SLC35F5: variants seen among roughly 807,000 people sequenced by gnomAD.
The protein encoded by SLC35F5 is solute carrier family 35 member F5.
Under a neutral mutation model 68.6 loss-of-function variants are expected in SLC35F5, and 54 were observed. The ratio of observed to expected loss-of-function variants is 0.79; its 90% confidence interval spans 0.63 to 0.99. The LOEUF is 0.99. Ranked by LOEUF, SLC35F5 falls within the 50% of genes least tolerant of loss-of-function variation. SLC35F5 has a pLI of 0.00. For missense variants in SLC35F5, 567 were observed against 626.9 expected, an observed-to-expected ratio of 0.90 and a Z score of 1.02; for synonymous variants, 211 against 205.2, an observed-to-expected ratio of 1.03 and a Z score of -0.24.
chr2:113,724,510 G>T (rs576899250), intron 12 of SLC35F5, among the ~76,000 whole-genome samples: 1 of 152,138 alleles, frequency 6.6e-6, no homozygotes. Flanking sequence ...TTACACAAAA[G>T]AGAGTGATAT....
In SLC35F5 at chr2:113,707,498, C is replaced by G. The variant is rs1331207956; in HGVS notation, c.*7720G>C. Among the ~76,000 whole-genome samples, 2 of 152,100 alleles carry G rather than the reference C, an allele frequency of 1.3e-5. No homozygotes were observed. The highest frequency in any genetic ancestry group is 2.4e-5 in the African/African-American group (1 of 41,412). Reference sequence around the variant, plus strand: ...GCAAAGAAAGGCAAATTAAATATACCTGGTCCCATATAAGAATTGTTGCCT... The same window carrying G: ...GCAAAGAAAGGCAAATTAAATATACGTGGTCCCATATAAGAATTGTTGCCT... On this transcript the variant is annotated 3_prime_UTR_variant, in exon 16 of 16. Coordinates refer to ENST00000245680, the MANE Select transcript of SLC35F5 (RefSeq NM_025181.5).
intron 1 of SLC35F5, 65 bp from the exon 2 acceptor site, chr2:113,755,609 G>GT (rs1050818040): frequency 1.4e-6 from 2 of 1,416,068 alleles, no homozygotes; most frequent in Non-Finnish European, 2.0e-6. Context: ...TCATCACATC[G>GT]TTTTTTACTC....
At chr2:113,728,397 C>T (rs1687750189) in intron 11 of SLC35F5, among the ~76,000 whole-genome samples, 1 of 152,196 alleles carries the variant, frequency 6.6e-6, no homozygotes, top group Admixed American at 6.5e-5. Context: ...GCCTCAGCCT[C>T]TCAAAGTGCT....
At chr2:113,750,338 G>T in intron 4 of SLC35F5, 87 bp downstream of exon 4, 3 of 1,241,906 alleles carry the variant, frequency 2.4e-6, no homozygotes, top group East Asian at 5.3e-5. Flanking sequence ...AAATATGACC[G>T]TCCTTAAAGA....
At chr2:113,718,631 C>T (rs1465840818) in intron 14 of SLC35F5, among the ~76,000 whole-genome samples, 1 of 152,022 alleles carries the variant, frequency 6.6e-6, no homozygotes, top group East Asian at 1.9e-4. Flanking sequence ...CCTGCCTCTA[C>T]TGAAAATACA....
At chr2:113,732,772 T>A (rs894190280) in intron 9 of SLC35F5, among the ~76,000 whole-genome samples, 1 of 152,196 alleles carries the variant, frequency 6.6e-6, no homozygotes, top group African/African-American at 2.4e-5. Context: ...CAACTTCTAC[T>A]CATTTAATCC....
chr2:113,754,150 C>T (rs1187885085), intron 3 of SLC35F5, among the ~76,000 whole-genome samples: 2 of 151,778 alleles, frequency 1.3e-5, no homozygotes, highest in East Asian at 1.9e-4. Flanking sequence ...ATTAGCCTGG[C>T]GTGGTGGGGT....
chr2:113,748,103 C>T (rs1302889229), intron 4 of SLC35F5, among the ~76,000 whole-genome samples: 1 of 151,966 alleles, frequency 6.6e-6, no homozygotes, highest in East Asian at 1.9e-4. Context: ...ACAACAGCAA[C>T]AAAAAATGAA....
chr2:113,743,045 A>T (rs577311886), intron 6 of SLC35F5, among the ~76,000 whole-genome samples, 166 bp from the exon 7 acceptor site: 171 of 152,360 alleles, frequency 1.1e-3, no homozygotes, highest in Non-Finnish European at 1.9e-3. Flanking sequence ...TTGTTCACTT[A>T]AAAGAGTTAA....
chr2:113,713,496 G>A lies in SLC35F5; in HGVS notation c.*1722C>T, dbSNP rs536476861. On this transcript the variant is annotated 3_prime_UTR_variant, in exon 16 of 16. Coordinates refer to ENST00000245680, the MANE Select transcript of SLC35F5 (RefSeq NM_025181.5). ...TTGCTGAAGGTCTTTGTGAACTGTCGAACAGCAAAAACAAAAAGTAGAGGT... is the reference window on the plus strand; with the variant it reads ...TTGCTGAAGGTCTTTGTGAACTGTCAAACAGCAAAAACAAAAAGTAGAGGT... 8 of 152,090 alleles carry A rather than the reference G, an allele frequency of 5.3e-5. No homozygotes were observed. The highest frequency in any genetic ancestry group is 2.1e-4 in the South Asian group (1 of 4,822). 9.4% of individuals were successfully genotyped at this position (152,090 alleles called of 1,614,324 possible). A position where few individuals can be genotyped will look rare whatever the true frequency, so the allele number is the denominator to read the frequency against.
intron 3 of SLC35F5, among the ~76,000 whole-genome samples, chr2:113,753,826 T>G (rs78804642): frequency 0.027 from 4,140 of 152,258 alleles, 85 homozygotes; most frequent in South Asian, 0.055. Context: ...AAACTATTTA[T>G]TTTAAATGAA....
rs1425585702 is a variant in SLC35F5, at chr2:113,750,576, G to A, written c.274-8C>T. ...GTACTGGGTAAAAACATACTGTAGA[G>A]GAAAAAGTTACACAGACAACTCTGA... is the stretch of plus-strand genomic sequence containing the variant. On this transcript the variant is annotated splice_polypyrimidine_tract_variant and splice_region_variant and intron_variant, in intron 3 of 15. Coordinates refer to ENST00000245680, the MANE Select transcript of SLC35F5 (RefSeq NM_025181.5). 6.3e-7 allele frequency: 1 copy of A among 1,593,630 alleles called. No homozygotes were observed. The highest frequency in any genetic ancestry group is 8.5e-7 in the Non-Finnish European group (1 of 1,171,332).
chr2:113,748,087 G>A (rs1277826482), intron 4 of SLC35F5, among the ~76,000 whole-genome samples: 4 of 152,120 alleles, frequency 2.6e-5, no homozygotes, highest in Non-Finnish European at 5.9e-5. Context: ...GTGAGACTCT[G>A]TCTCAACAAC....
Position 113,712,601 on chromosome 2 carries a change from C to A in SLC35F5, c.*2617G>T, listed in dbSNP as rs576654481. 6.6e-6 allele frequency among the ~76,000 whole-genome samples: 1 copy of A among 152,342 alleles called. No homozygotes were observed. Among genetic ancestry groups the A allele is most frequent in the African/African-American group, 2.4e-5 (1 of 41,576 alleles). ...AAGTGCTGGGACTACAGGCGTGAGC[C>A]ACCACGCCCGGCCCAAAAGCATTTA... On this transcript the variant is annotated 3_prime_UTR_variant, in exon 16 of 16. Transcript: ENST00000245680.
chr2:113,717,684 A>C (rs1235445163), intron 15 of SLC35F5, 69 bp downstream of exon 15: 1 of 1,120,344 alleles, frequency 8.9e-7, no homozygotes, highest in Admixed American at 2.5e-5. Flanking sequence ...CTAATTATAG[A>C]AAATCAATCC....
At chr2:113,727,964 A>G (rs1687733138) in intron 11 of SLC35F5, among the ~76,000 whole-genome samples, 2 of 152,188 alleles carry the variant, frequency 1.3e-5, no homozygotes. Context: ...AAAATTTTCT[A>G]TGACTCTCAA....
At chr2:113,728,527 C>T (rs1478661862) in intron 11 of SLC35F5, among the ~76,000 whole-genome samples, 14 of 152,202 alleles carry the variant, frequency 9.2e-5, no homozygotes, top group Admixed American at 9.2e-4. Context: ...GCAAAGGAGT[C>T]CAAGAACTAG....
At chr2:113,735,472 G>A (rs1688054981) in intron 8 of SLC35F5, among the ~76,000 whole-genome samples, 1 of 152,116 alleles carries the variant, frequency 6.6e-6, no homozygotes, top group Non-Finnish European at 1.5e-5. Context: ...GAATACTGTA[G>A]GCAACTGTAA....
intron 9 of SLC35F5, 96 bp from the exon 10 acceptor site, chr2:113,731,744 A>C: frequency 3.3e-6 from 3 of 910,476 alleles, no homozygotes; most frequent in South Asian, 1.4e-5. Flanking sequence ...GACTAATCTC[A>C]ACTTTGGGTA....
Sources: gnomAD v4.1 joint callset for allele counts (sites outside exome capture counted in the v4.1 genomes callset) on GRCh38, gnomAD v4.1.1 for gene constraint, MANE v1.5 for transcripts, NCBI Gene and HGNC (gene_info 2026-07-23, HGNC 2026-07-21) for gene names.